The following SRPX variants were observed in gnomAD, a reference collection of about 807,000 sequenced individuals.
SRPX encodes sushi repeat-containing protein SRPX.
Under a neutral mutation model 38.1 loss-of-function variants are expected in SRPX, and 24 were observed. The ratio of observed to expected loss-of-function variants is 0.63; its 90% CI spans 0.46 to 0.89. The LOEUF is 0.89. Ranked by LOEUF, SRPX falls within the 40% of genes least tolerant of loss-of-function variation. SRPX has a pLI of 0.00. For synonymous variants in SRPX, 184 were observed against 153.8 expected, an observed-to-expected ratio of 1.20 and a Z score of -1.45; for missense variants, 416 against 377.8, an observed-to-expected ratio of 1.10 and a Z score of -0.84.
Position 38,220,818 on chromosome X carries a change from G to A in SRPX, c.-26C>T, listed in dbSNP as rs1449356915. ...GGCGAGCGGGCGCTTAGCTCGCCTC[G>A]GCAGCGCAGCGCGCTTCCCGGGGGC... On this transcript the variant is annotated 5_prime_UTR_variant, in exon 1 of 10. Coordinates refer to ENST00000378533, the MANE Select transcript of SRPX (RefSeq NM_006307.5). 1 of 1,074,906 alleles carries A rather than the reference G, an allele frequency of 9.3e-7. No homozygotes were observed. The highest frequency in any genetic ancestry group is 2.4e-5 in the South Asian group (1 of 41,328). The allele number at this position is 1,074,906 out of a possible 1,213,427, so 88.6% of individuals were successfully genotyped here.
chrX:38,219,499 T>C (rs1285073060), intron 1 of SRPX, among the ~76,000 whole-genome samples: 13 of 111,834 alleles, frequency 1.2e-4, no homozygotes, highest in Non-Finnish European at 2.1e-4. Context: ...CTTTCCACTT[T>C]ACCCTGAATC....
At chrX:38,175,959 G>A (rs1382137286) in intron 2 of SRPX, among the ~76,000 whole-genome samples, 1 of 111,358 alleles carries the variant, frequency 9.0e-6, no homozygotes, top group African/African-American at 3.3e-5. Context: ...CTTTGCCCAC[G>A]GGGGATATTG....
At chrX:38,209,905 T>G (rs1236988056) in intron 1 of SRPX, among the ~76,000 whole-genome samples, 1 of 112,049 alleles carries the variant, frequency 8.9e-6, no homozygotes, top group East Asian at 2.8e-4. Context: ...GGGGTTTTTT[T>G]TCTTCCCCAC....
At chrX:38,199,808 A>C in intron 1 of SRPX, among the ~76,000 whole-genome samples, 1 of 111,489 alleles carries the variant, frequency 9.0e-6, no homozygotes, top group African/African-American at 3.3e-5. Context: ...AATTGAAAGC[A>C]GAATGGCTTT....
intron 6 of SRPX, 99 bp downstream of exon 6, chrX:38,160,834 C>T: frequency 9.6e-7 from 1 of 1,046,953 alleles, no homozygotes; most frequent in Non-Finnish European, 1.3e-6. Flanking sequence ...GCAAGTCTCC[C>T]ACCACAGTAG....
chrX:38,196,163 C>T (rs1167390157), intron 1 of SRPX, among the ~76,000 whole-genome samples: 1 of 111,882 alleles, frequency 8.9e-6, no homozygotes, highest in African/African-American at 3.2e-5. Context: ...TTGGAATCAG[C>T]GTTGGTTCAA....
At chrX:38,158,770 G>A (rs1219662346) in intron 7 of SRPX, among the ~76,000 whole-genome samples, 3 of 111,545 alleles carry the variant, frequency 2.7e-5, no homozygotes, top group Admixed American at 1.9e-4. Context: ...CACGAGGTCA[G>A]GAGATCAAGA....
At chrX:38,177,156 C>T (rs184628263) in intron 2 of SRPX, among the ~76,000 whole-genome samples, 41 of 111,740 alleles carry the variant, frequency 3.7e-4, no homozygotes, top group Non-Finnish European at 6.2e-4. Flanking sequence ...AATCTAAACC[C>T]ATAAATAGTT....
At chrX:38,172,513 A>G (rs979119553) in intron 3 of SRPX, among the ~76,000 whole-genome samples, 1 of 113,275 alleles carries the variant, frequency 8.8e-6, no homozygotes, top group African/African-American at 3.2e-5. Flanking sequence ...CACAGAAGAC[A>G]CAAAGTTTCC....
chrX:38,154,655 C>T (rs373185678), intron 8 of SRPX, 72 bp from the exon 9 acceptor site: 8 of 1,150,836 alleles, frequency 7.0e-6, no homozygotes, highest in South Asian at 4.0e-5. Flanking sequence ...AACTAGAAAC[C>T]GACAGAAGCA....
At chrX:38,217,224 G>A (rs911208004) in intron 1 of SRPX, among the ~76,000 whole-genome samples, 10 of 112,824 alleles carry the variant, frequency 8.9e-5, no homozygotes, top group African/African-American at 2.3e-4. Flanking sequence ...AAGAAGAAGA[G>A]TGCATAAATT....
At chrX:38,157,540 C>T (rs951245197) in intron 7 of SRPX, among the ~76,000 whole-genome samples, 10 of 111,871 alleles carry the variant, frequency 8.9e-5, no homozygotes, top group Middle Eastern at 4.2e-3. Flanking sequence ...AGTTCTGCCT[C>T]CTTTATATAA....
intron 4 of SRPX, among the ~76,000 whole-genome samples, chrX:38,167,467 A>C (rs918164899): frequency 2.7e-5 from 3 of 111,362 alleles, no homozygotes; most frequent in African/African-American, 9.8e-5. Context: ...CCAGAGACCT[A>C]AGCCTGTTAT....
At chrX:38,216,096 T>C (rs1248319244) in intron 1 of SRPX, among the ~76,000 whole-genome samples, 3 of 111,972 alleles carry the variant, frequency 2.7e-5, no homozygotes, top group Non-Finnish European at 5.6e-5. Flanking sequence ...TTTCAAAACA[T>C]TCTTAGAGAA....
At chrX:38,182,079 G>C (rs1454010681) in intron 1 of SRPX, among the ~76,000 whole-genome samples, 2 of 112,380 alleles carry the variant, frequency 1.8e-5, no homozygotes, top group Non-Finnish European at 3.8e-5. Flanking sequence ...TGTGTACTAT[G>C]CTAGGCAATT....
intron 4 of SRPX, among the ~76,000 whole-genome samples, chrX:38,170,085 C>T (rs1489705392): frequency 9.0e-6 from 1 of 111,631 alleles, no homozygotes; most frequent in East Asian, 2.8e-4. Flanking sequence ...AGAGTATGGT[C>T]TGTGTAAGAG....
At chrX:38,162,904 C>T (rs1938292057) in intron 5 of SRPX, among the ~76,000 whole-genome samples, 1 of 112,960 alleles carries the variant, frequency 8.9e-6, no homozygotes, top group Non-Finnish European at 1.9e-5. Context: ...TCTCACAAAG[C>T]TTGTAGACAA....
chrX:38,195,489 T>C (rs1440978388), intron 1 of SRPX, among the ~76,000 whole-genome samples: 1 of 110,587 alleles, frequency 9.0e-6, no homozygotes, highest in Non-Finnish European at 1.9e-5. Flanking sequence ...ATATCTTTGA[T>C]GCAAAGAGCT....
intron 5 of SRPX, among the ~76,000 whole-genome samples, chrX:38,163,274 T>TG (rs1182658823): frequency 4.4e-5 from 5 of 112,374 alleles, no homozygotes; most frequent in African/African-American, 9.7e-5. Flanking sequence ...CAAAATGTCC[T>TG]GTCTCCTCTC....
Sources: gnomAD v4.1 joint callset for allele counts (sites outside exome capture counted in the v4.1 genomes callset) on GRCh38, gnomAD v4.1.1 for gene constraint, MANE v1.5 for transcripts, NCBI Gene and HGNC (gene_info 2026-07-23, HGNC 2026-07-21) for gene names.